Variants in ALDH3B2 observed in about 807,000 individuals in gnomAD.
ALDH3B2 encodes aldehyde dehydrogenase 3 family member B2, also known as aldehyde dehydrogenase family 3 member B2.
Under a neutral mutation model 36.7 loss-of-function variants are expected in ALDH3B2, and 45 were observed. That is an observed-to-expected ratio of 1.23 (90% CI 0.97 to 1.57). The LOEUF (loss-of-function observed/expected upper bound fraction) is 1.57, where lower values mean the gene tolerates loss of function less well. Among genes scored for constraint, ALDH3B2 ranks in the 40% most tolerant of loss-of-function variants. The probability of loss-of-function intolerance (pLI) is 0.00; values close to 1 mark genes in which losing one functional copy is unlikely to be tolerated. For synonymous variants in ALDH3B2, 217 were observed against 226.5 expected (o/e 0.96, Z 0.38); for missense variants, 464 against 513.3 (o/e 0.90, Z 0.93).
chr11:67,670,032 C>CTG (rs373383863), intron 1 of ALDH3B2, among the ~76,000 whole-genome samples: 393 of 8,392 alleles, frequency 0.047, 85 homozygotes, highest in South Asian at 0.25. Flanking sequence ...GTATGGGTGT[C>CTG]TGTGTGTGTA....
chr11:67,673,669 C>G (rs780526439), intron 1 of ALDH3B2: 3 of 152,298 alleles, frequency 2.0e-5, no homozygotes, highest in Non-Finnish European at 4.4e-5. Flanking sequence ...GAAGTCAGAG[C>G]TGGCATCTGG....
intron 1 of ALDH3B2, among the ~76,000 whole-genome samples, chr11:67,669,685 TG>T (rs1856030994): frequency 6.7e-6 from 1 of 150,100 alleles, no homozygotes; most frequent in Non-Finnish European, 1.5e-5. Flanking sequence ...TGTATGTGTA[TG>T]GGTGTCTGTG....
intron 1 of ALDH3B2, among the ~76,000 whole-genome samples, chr11:67,672,872 T>C (rs566341096): frequency 6.7e-6 from 1 of 149,352 alleles, no homozygotes; most frequent in East Asian, 2.0e-4. Flanking sequence ...ATTACAGGCA[T>C]GAGTCACCAC....
upstream of ALDH3B2, among the ~76,000 whole-genome samples, chr11:67,678,724 C>T (rs1376744613): frequency 2.6e-5 from 3 of 114,716 alleles, no homozygotes; most frequent in Admixed American, 9.1e-5. Context: ...TATATATATA[C>T]ACGCTATGGC....
chr11:67,666,580 C>T lies in ALDH3B2; in HGVS notation c.145G>A (p.Ala49Thr), dbSNP rs1140671. The stretch of plus-strand genomic sequence containing the variant: ...TTCGGAACGCCCTCCTCACCTGCGG[C>T]GAGGGCGCCCACCAGGAGCACCAGG... The change falls in exon 4 of 10, where the codon GCC becomes ACC. Residue 49 changes from alanine to threonine, a missense_variant. Ala to Thr is a moderately conservative substitution (Grantham distance 58). Transcript: ENST00000349015. The T allele has an allele frequency of 3.9e-5, 63 of 1,613,924 alleles. No individual in the cohort carries two copies. The highest frequency in any genetic ancestry group is 2.3e-4 in the Admixed American group (14 of 60,016).
intron 8 of ALDH3B2, 84 bp from the exon 9 acceptor site, chr11:67,663,845 C>CGA: frequency 8.5e-7 from 1 of 1,172,116 alleles, no homozygotes. Context: ...CGGAGGTGAG[C>CGA]CTCATCCTCA....
At chr11:67,664,798 C>T (rs1258279899) in intron 7 of ALDH3B2, among the ~76,000 whole-genome samples, 1 of 152,242 alleles carries the variant, frequency 6.6e-6, no homozygotes, top group Non-Finnish European at 1.5e-5. Context: ...GAGAATCCCC[C>T]GACCTTGGTC....
exon 9 of ALDH3B2, chr11:67,663,681 G>A (rs375224798): frequency 5.6e-6 from 9 of 1,611,718 alleles, no homozygotes; most frequent in African/African-American, 2.7e-5. Flanking sequence ...CGAATGGCAC[G>A]GACAGCAGAG....
chr11:67,663,198 G>A (rs1855792137), exon 10 of ALDH3B2: 3 of 1,589,176 alleles, frequency 1.9e-6, no homozygotes, highest in Non-Finnish European at 2.6e-6. Context: ...GTGACCCGTT[G>A]GAGGCGGGTG....
In ALDH3B2 at chr11:67,665,549, C is replaced by T. The variant is rs144564033; in HGVS notation, c.442G>A (p.Ala148Thr). The change falls in exon 7 of 10, where the codon GCC (alanine) becomes ACC (threonine). Residue 148 changes from alanine (A) to threonine (T), a missense_variant. By Grantham distance (58) the Ala-to-Thr change is moderately conservative (BLOSUM62 0). Coordinates refer to ENST00000349015, the Ensembl canonical transcript of ALDH3B2. ...TAGCAGAACCAGGCCACGCGGTTGGCCACGGTCTGGGGGTCGCAGTTGTCG... is the reference window on the plus strand; with the variant it reads ...TAGCAGAACCAGGCCACGCGGTTGGTCACGGTCTGGGGGTCGCAGTTGTCG... The T allele has an allele frequency of 3.0e-3, 4,801 of 1,614,090 alleles. 172 individuals are homozygous for T. The highest frequency in any genetic ancestry group is 2.4e-4 in the Non-Finnish European group (279 of 1,180,020).
At chr11:67,680,401 C>A (rs1195205288) in intron 1 of ALDH3B2, among the ~76,000 whole-genome samples, 1 of 152,184 alleles carries the variant, frequency 6.6e-6, no homozygotes, top group Non-Finnish European at 1.5e-5. Flanking sequence ...TTCTGACACA[C>A]AAATACTCTT....
chr11:67,677,718 A>G (rs1856296511), upstream of ALDH3B2, among the ~76,000 whole-genome samples: 1 of 152,238 alleles, frequency 6.6e-6, no homozygotes, highest in Admixed American at 6.5e-5. Context: ...GGACTCCTCC[A>G]GAAAGATCCT....
exon 8 of ALDH3B2, chr11:67,664,445 T>C (rs779162313): frequency 1.2e-6 from 2 of 1,613,968 alleles, no homozygotes; most frequent in Non-Finnish European, 1.7e-6. Context: ...CTCCTGCCGG[T>C]TGATGAACTT....
chr11:67,669,599 A>ATGTGTGGCTGTG (rs1856027154), intron 1 of ALDH3B2, among the ~76,000 whole-genome samples: 1 of 132,272 alleles, frequency 7.6e-6, no homozygotes, highest in Admixed American at 7.7e-5. Context: ...TGCTGTGTCC[A>ATGTGTGGCTGTG]TGTGTATCTG....
At chr11:67,674,758 C>G (rs866035558), upstream of ALDH3B2, 3 of 152,442 alleles carry the variant, frequency 2.0e-5, no homozygotes, top group African/African-American at 7.2e-5. Flanking sequence ...GCCCTGCCCC[C>G]AGGGACCACA....
chr11:67,664,132 C>CTG, intron 8 of ALDH3B2: 1 of 594,466 alleles, frequency 1.7e-6, no homozygotes, highest in Non-Finnish European at 3.0e-6. Context: ...CTCTGCTTGC[C>CTG]TGTGCAGAAC....
At chr11:67,666,040 G>A in intron 6 of ALDH3B2, 82 bp downstream of exon 6, 1 of 1,523,760 alleles carries the variant, frequency 6.6e-7, no homozygotes, top group South Asian at 1.2e-5. Context: ...GCTGGCCCCA[G>A]CCTCCTCCCT....
exon 7 of ALDH3B2, chr11:67,665,487 G>A (rs201150252): frequency 1.1e-4 from 178 of 1,613,984 alleles, no homozygotes; most frequent in Middle Eastern, 1.7e-4. Context: ...TGCACAGGAC[G>A]TAGTCAGGGG....
chr11:67,666,606 G>T (rs987340752), exon 4 of ALDH3B2: 6 of 1,614,026 alleles, frequency 3.7e-6, no homozygotes, highest in Non-Finnish European at 8.5e-7. Flanking sequence ...GAGCACCAGG[G>T]TCAGGTTCAG....
Sources: allele counts gnomAD v4.1 joint callset (sites outside exome capture counted in the v4.1 genomes callset), GRCh38; gene constraint gnomAD v4.1.1; transcripts MANE v1.5; gene names NCBI Gene and HGNC (gene_info 2026-07-23, HGNC 2026-07-21).